DISP1: variants seen among roughly 807,000 people sequenced by gnomAD.
The protein encoded by DISP1 is protein dispatched homolog 1.
DISP1 carries 30 observed loss-of-function variants against 37.3 expected under a neutral mutation model. The ratio of observed to expected loss-of-function variants is 0.80; its 90% CI spans 0.60 to 1.09. DISP1 has a LOEUF of 1.09. DISP1 is among the 50% of genes least tolerant of loss of function. The probability of loss-of-function intolerance (pLI) is 0.00; values close to 1 mark genes in which losing one functional copy is unlikely to be tolerated. For missense variants in DISP1, 1,598 were observed against 1,879.5 expected, an observed-to-expected ratio of 0.85 and a Z score of 2.77; for synonymous variants, 634 against 690.2, an observed-to-expected ratio of 0.92 and a Z score of 1.28.
At chr1:222,936,935 A>AT (rs1464797769) in intron 2 of DISP1, among the ~76,000 whole-genome samples, 1 of 73,834 alleles carries the variant, frequency 1.4e-5, no homozygotes, top group Non-Finnish European at 2.7e-5. Flanking sequence ...AATATGTAAT[A>AT]TATATTATAT....
At position 223,005,618 on chromosome 1, in the gene DISP1, C is replaced by T. The variant is rs758554439; in HGVS notation, c.4221C>T (p.Cys1407=). ...CTGGATCGTTACTCAAAACGTGTTG[C>T]GACCCCGAGAATAAACAAAGGGAAC... ...RSTGSLLKTC[C]DPENKQRELC... The change falls in exon 9 of 9, where the codon TGC becomes TGT. Residue 1407 remains cysteine, a synonymous_variant. Transcript: ENST00000675850. The T allele has an allele frequency of 2.1e-5, 34 of 1,612,540 alleles. No homozygotes were observed. The highest frequency in any genetic ancestry group is 1.3e-4 in the East Asian group (6 of 44,814).
chr1:222,873,639 C>T (rs1267250802), intron 1 of DISP1, among the ~76,000 whole-genome samples: 1 of 152,156 alleles, frequency 6.6e-6, no homozygotes, highest in African/African-American at 2.4e-5. Context: ...AGATCTTCCT[C>T]CATCCCTTTA....
intron 1 of DISP1, among the ~76,000 whole-genome samples, chr1:222,843,224 C>A (rs1377410449): frequency 6.6e-6 from 1 of 151,752 alleles, no homozygotes; most frequent in Non-Finnish European, 1.5e-5. Context: ...GTTATCACTG[C>A]AAATACTGTG....
Position 222,994,868 on chromosome 1 carries a change from T to A in DISP1, c.890-17T>A. ...TTTATAAACCTTTTTCTTTCCTTTT[T>A]TTTTTCATATCACCAGGTGACCGAT... On this transcript the variant is annotated splice_polypyrimidine_tract_variant and intron_variant, in intron 7 of 8. Transcript: ENST00000675850. 1 of 1,561,884 alleles carries A rather than the reference T, an allele frequency of 6.4e-7. No homozygotes were observed. The highest frequency in any genetic ancestry group is 8.8e-7 in the Non-Finnish European group (1 of 1,134,588).
intron 1 of DISP1, among the ~76,000 whole-genome samples, chr1:222,852,968 C>G (rs766088909): frequency 1.3e-5 from 2 of 151,974 alleles, no homozygotes; most frequent in Non-Finnish European, 2.9e-5. Flanking sequence ...TGTATATATA[C>G]CAAATGTATT....
At chr1:222,925,601 T>G (rs367955882) in intron 1 of DISP1, among the ~76,000 whole-genome samples, 3 of 152,174 alleles carry the variant, frequency 2.0e-5, no homozygotes, top group African/African-American at 7.2e-5. Flanking sequence ...TTCCCTGTCC[T>G]TTTCCTTCCA....
intron 1 of DISP1, among the ~76,000 whole-genome samples, chr1:222,882,221 G>A (rs1670322105): frequency 6.6e-6 from 1 of 152,100 alleles, no homozygotes; most frequent in Admixed American, 6.6e-5. Flanking sequence ...TTCATGTTGT[G>A]AGATAATCAA....
intron 1 of DISP1, among the ~76,000 whole-genome samples, chr1:222,878,667 A>T (rs1225268284): frequency 6.6e-6 from 1 of 152,212 alleles, no homozygotes; most frequent in Non-Finnish European, 1.5e-5. Flanking sequence ...TATTCTCAAT[A>T]TAGGTGCCTG....
chr1:222,880,370 T>G (rs754554466), intron 1 of DISP1, among the ~76,000 whole-genome samples: 15 of 152,216 alleles, frequency 9.9e-5, no homozygotes, highest in Non-Finnish European at 2.1e-4. Flanking sequence ...TGTGGTCTAA[T>G]TTTTCTTCAG....
intron 1 of DISP1, among the ~76,000 whole-genome samples, chr1:222,883,082 C>G (rs1670369675): frequency 6.6e-6 from 1 of 152,044 alleles, no homozygotes. Context: ...GTGTTTTTAA[C>G]TAACATTTTT....
intron 1 of DISP1, among the ~76,000 whole-genome samples, chr1:222,815,447 A>G (rs1250152674): frequency 6.6e-6 from 1 of 151,972 alleles, no homozygotes; most frequent in East Asian, 1.9e-4. Context: ...ATGGCAGGAG[A>G]TGGCAAAGGT....
At chr1:222,856,637 A>T (rs945542459) in intron 1 of DISP1, among the ~76,000 whole-genome samples, 14 of 151,644 alleles carry the variant, frequency 9.2e-5, no homozygotes, top group African/African-American at 3.4e-4. Flanking sequence ...ATATCCATTG[A>T]TGGCATGTGC....
In DISP1 at chr1:223,002,693, G is replaced by A. The variant is rs773414429; in HGVS notation, c.1296G>A (p.Val432=). ...NAVYQILHYL[V]DKDFMTPKTA... is the part of the protein sequence containing the mutation. ...TGTACCAGATCCTCCATTACTTGGT[G>A]GACAAAGACTTTATGACCCCAAAGA... Residue 432 remains valine, a synonymous_variant, in exon 9 of 9, where the codon GTG becomes GTA. Transcript: ENST00000675850. 2 of 1,613,982 alleles carry A rather than the reference G, an allele frequency of 1.2e-6. No individual in the cohort carries two copies. The highest frequency in any genetic ancestry group is 2.2e-5 in the South Asian group (2 of 91,074).
chr1:222,844,851 A>AC (rs34264264), intron 1 of DISP1, among the ~76,000 whole-genome samples: 1 of 152,038 alleles, frequency 6.6e-6, no homozygotes, highest in Non-Finnish European at 1.5e-5. Context: ...ATTTAGAATA[A>AC]CCCCCCAGCA....
chr1:222,896,606 A>G (rs531476583), intron 1 of DISP1, among the ~76,000 whole-genome samples: 10 of 99,626 alleles, frequency 1.0e-4, no homozygotes, highest in East Asian at 3.0e-4. Flanking sequence ...ATCTCAGAGA[A>G]AAAAAAAAAA....
rs1194917138 is a variant in DISP1, at chr1:223,005,200, A to G, written c.3803A>G (p.Asn1268Ser). 1.2e-6 allele frequency: 2 copies of G among 1,614,022 alleles called. No homozygotes were observed. The highest frequency in any genetic ancestry group is 1.7e-6 in the Non-Finnish European group (2 of 1,180,010). The change falls in exon 9 of 9, where the codon AAT becomes AGT. Residue 1268 changes from asparagine to serine, a missense_variant. Coordinates refer to ENST00000675850, the MANE Select transcript of DISP1 (RefSeq NM_001377229.1). Reference sequence around the variant, plus strand: ...ACCGTGTGTCACTTCTTCTCTCTGAATCAGAGATGTAGCTGCCCAGATGCC... The same window carrying G: ...ACCGTGTGTCACTTCTTCTCTCTGAGTCAGAGATGTAGCTGCCCAGATGCC... The part of the protein sequence containing the change: ...QHTVCHFFSL[N>S]QRCSCPDAYK...
intron 3 of DISP1, among the ~76,000 whole-genome samples, chr1:222,943,962 G>A (rs1343991216): frequency 6.6e-6 from 1 of 151,128 alleles, no homozygotes; most frequent in Non-Finnish European, 1.5e-5. Flanking sequence ...CCTGGGAGGT[G>A]GAGGTTGTGG....
chr1:222,989,607 TGG>T, intron 4 of DISP1: 1 of 974,098 alleles, frequency 1.0e-6, no homozygotes, highest in Non-Finnish European at 1.2e-6. Flanking sequence ...TCTGCACATG[TGG>T]GAAGAGACTA....
intron 1 of DISP1, among the ~76,000 whole-genome samples, chr1:222,903,523 T>C (rs1671731720): frequency 3.3e-5 from 5 of 152,160 alleles, no homozygotes; most frequent in Admixed American, 2.0e-4. Flanking sequence ...TTTATATATG[T>C]AAATATATTT....
Sources: gnomAD v4.1 joint callset for allele counts (sites outside exome capture counted in the v4.1 genomes callset) on GRCh38, gnomAD v4.1.1 for gene constraint, MANE v1.5 for transcripts, NCBI Gene and HGNC (gene_info 2026-07-23, HGNC 2026-07-21) for gene names.